Variants in PLD5 observed in about 807,000 individuals in gnomAD.
PLD5 encodes the protein phospholipase D family member 5.
PLD5 carries 36 observed loss-of-function variants against 61.1 expected under a neutral mutation model. The observed-to-expected ratio is 0.59, with a 90% CI of 0.45 to 0.78. The LOEUF is 0.78. PLD5 is among the 30% of genes least tolerant of loss of function. PLD5 has a pLI of 0.00. For synonymous variants in PLD5, 243 were observed against 242.8 expected (o/e 1.00, Z -0.01); for missense variants, 515 against 644.4 (o/e 0.80, Z 2.17).
At chr1:242,324,204 G>T (rs1265424248) in intron 2 of PLD5, among the ~76,000 whole-genome samples, 1 of 152,122 alleles carries the variant, frequency 6.6e-6, no homozygotes, top group Non-Finnish European at 1.5e-5. Context: ...CGGTTAAAAT[G>T]TAAAAAGAGC....
At chr1:242,476,456 C>CT (rs1397881710) in intron 1 of PLD5, among the ~76,000 whole-genome samples, 1 of 151,992 alleles carries the variant, frequency 6.6e-6, no homozygotes, top group Non-Finnish European at 1.5e-5. Flanking sequence ...AAATCACAAA[C>CT]TTTTTTCTAG....
chr1:242,102,157 G>A (rs374937201), intron 8 of PLD5, among the ~76,000 whole-genome samples: 49 of 152,274 alleles, frequency 3.2e-4, no homozygotes, highest in African/African-American at 9.4e-4. Flanking sequence ...AAGTCACCTC[G>A]CTTGGACATA....
intron 5 of PLD5, among the ~76,000 whole-genome samples, chr1:242,154,283 T>C (rs1311692776): frequency 3.3e-5 from 5 of 152,186 alleles, no homozygotes; most frequent in African/African-American, 4.8e-5. Flanking sequence ...AATCATGTCA[T>C]CTGTAAACAG....
chr1:242,366,076 C>T (rs945135002), intron 1 of PLD5, among the ~76,000 whole-genome samples: 2 of 152,134 alleles, frequency 1.3e-5, no homozygotes, highest in African/African-American at 4.8e-5. Context: ...AAAAGCTTCC[C>T]AATTCATTCT....
chr1:242,130,685 A>C (rs1466156652), intron 5 of PLD5, among the ~76,000 whole-genome samples: 1 of 152,164 alleles, frequency 6.6e-6, no homozygotes, highest in Non-Finnish European at 1.5e-5. Flanking sequence ...TAGGTTGCTC[A>C]GCCCTGTCCA....
chr1:242,459,556 G>A (rs1236379253), intron 1 of PLD5, among the ~76,000 whole-genome samples: 1 of 152,168 alleles, frequency 6.6e-6, no homozygotes, highest in Non-Finnish European at 1.5e-5. Flanking sequence ...ATTTAAATCA[G>A]AGAAAAGGGG....
In PLD5 at chr1:242,185,639, C is replaced by T. The variant is rs375631984; in HGVS notation, c.735+34349G>A. Among the ~76,000 whole-genome samples, 3 of 152,182 alleles carry T rather than the reference C, an allele frequency of 2.0e-5. No individual in the cohort carries two copies. The East Asian group carries it at 5.8e-4, about 29-fold the overall frequency. On this transcript the variant is annotated intron_variant, in intron 5 of 9. Coordinates refer to ENST00000536534, the MANE Select transcript of PLD5 (RefSeq NM_001372062.1). ...TGTTTATTTGTTAGAGAATCATACT[C>T]ATAATTCCCTTAAGAGTCTCTTAAT...
intron 1 of PLD5, among the ~76,000 whole-genome samples, chr1:242,381,213 C>T (rs1409421136): frequency 2.0e-5 from 3 of 152,140 alleles, no homozygotes; most frequent in Non-Finnish European, 1.5e-5. Flanking sequence ...GAATATTATG[C>T]AGTCATAAAA....
At chr1:242,436,812 C>A (rs1349072615) in intron 1 of PLD5, among the ~76,000 whole-genome samples, 1 of 152,190 alleles carries the variant, frequency 6.6e-6, no homozygotes, top group African/African-American at 2.4e-5. Context: ...CAAGAGGTTG[C>A]ACCACGTTCT....
At chr1:242,121,069 T>C (rs1662321946) in intron 6 of PLD5, among the ~76,000 whole-genome samples, 1 of 152,168 alleles carries the variant, frequency 6.6e-6, no homozygotes, top group South Asian at 2.1e-4. Context: ...CTTATAAAAA[T>C]ATACTATTTT....
intron 1 of PLD5, among the ~76,000 whole-genome samples, chr1:242,438,047 C>T (rs181621091): frequency 6.6e-6 from 1 of 152,256 alleles, no homozygotes; most frequent in African/African-American, 2.4e-5. Context: ...TCTAAGTTAT[C>T]ATTTATTCCA....
intron 4 of PLD5, among the ~76,000 whole-genome samples, chr1:242,231,766 G>A (rs760878196): frequency 2.7e-4 from 41 of 152,102 alleles, no homozygotes; most frequent in Admixed American, 9.8e-4. Flanking sequence ...TGGCAGCACT[G>A]AATGCTGAAA....
intron 5 of PLD5, among the ~76,000 whole-genome samples, chr1:242,206,456 C>T (rs316863): frequency 0.84 from 128,402 of 152,226 alleles, 54,417 homozygotes; most frequent in South Asian, 0.94. Flanking sequence ...GATCCTTGAA[C>T]GATGTGAGGG....
chr1:242,206,580 G>A (rs1481225560), intron 5 of PLD5, among the ~76,000 whole-genome samples: 1 of 152,146 alleles, frequency 6.6e-6, no homozygotes, highest in Non-Finnish European at 1.5e-5. Context: ...CACATATTTT[G>A]CATGTACTGT....
intron 1 of PLD5, among the ~76,000 whole-genome samples, chr1:242,452,320 A>C (rs1666810847): frequency 6.6e-6 from 1 of 152,170 alleles, no homozygotes; most frequent in South Asian, 2.1e-4. Flanking sequence ...TAGTGATATG[A>C]AAAATTGTTT....
chr1:242,144,782 A>AAAAT lies in PLD5; in HGVS notation c.736-20121_736-20118dup, dbSNP rs751098233. 3.9e-5 allele frequency among the ~76,000 whole-genome samples: 6 copies of AAAAT among 152,176 alleles called. No homozygotes were observed. The East Asian group carries it at 5.8e-4, about 15-fold the overall frequency. ...GGTGACAGAGTGAAACCCTGTCTCAAAAATAAATAAATAAATAAAGAGAAT... is the reference window on the plus strand; with the variant it reads ...GGTGACAGAGTGAAACCCTGTCTCAAAAATAAATAAATAAATAAATAAAGAGAAT... On this transcript the variant is annotated intron_variant, in intron 5 of 9. Transcript: ENST00000536534.
At chr1:242,342,958 A>G (rs932317108) in intron 2 of PLD5, among the ~76,000 whole-genome samples, 1 of 152,232 alleles carries the variant, frequency 6.6e-6, no homozygotes, top group Non-Finnish European at 1.5e-5. Flanking sequence ...AAGACAAAAA[A>G]TCATAAGGAT....
intron 1 of PLD5, among the ~76,000 whole-genome samples, chr1:242,425,315 T>C (rs1234144803): frequency 6.6e-6 from 1 of 152,180 alleles, no homozygotes; most frequent in African/African-American, 2.4e-5. Context: ...CAAACCTGTG[T>C]AGCATGTAAC....
chr1:242,362,083 A>G (rs1661101293), intron 1 of PLD5, among the ~76,000 whole-genome samples: 1 of 152,218 alleles, frequency 6.6e-6, no homozygotes, highest in African/African-American at 2.4e-5. Context: ...TTATCCAAAA[A>G]TTAAAATTAT....
Sources: allele counts gnomAD v4.1 joint callset (sites outside exome capture counted in the v4.1 genomes callset), GRCh38; gene constraint gnomAD v4.1.1; transcripts MANE v1.5; gene names NCBI Gene and HGNC (gene_info 2026-07-23, HGNC 2026-07-21).